PLD2: variants seen among roughly 807,000 people sequenced by gnomAD.
PLD2 encodes phospholipase D2.
Under a neutral mutation model 119.8 loss-of-function variants are expected in PLD2, and 101 were observed. The ratio of observed to expected loss-of-function variants is 0.84; its 90% CI spans 0.72 to 0.99. PLD2 has a LOEUF of 0.99. Among genes scored for constraint, PLD2 ranks in the 50% least tolerant of loss-of-function variants. The pLI is 0.00. For missense variants in PLD2, 1,164 were observed against 1,226.8 expected (o/e 0.95, Z 0.76); for synonymous variants, 494 against 482.8 (o/e 1.02, Z -0.30).
rs748875349 is a variant in PLD2 at position 4,810,936 on chromosome 17, G to A, written c.995G>A (p.Gly332Glu). 31 of 1,611,432 alleles carry A rather than the reference G, an allele frequency of 1.9e-5. 1 individual carries two copies. In the South Asian group the frequency reaches 3.3e-4, roughly 17 times the overall value. ...RHDSYAPPRP[G>E]TLARWFVNGA... ...GACAGCTACGCCCCACCCCGGCCTGGGACCTTGGCCCGGTGGTGAGACACT... is the reference window on the plus strand; with the variant it reads ...GACAGCTACGCCCCACCCCGGCCTGAGACCTTGGCCCGGTGGTGAGACACT... Residue 332 changes from glycine (G) to glutamate (E), a missense_variant, in exon 10 of 25, where the codon GGG becomes GAG. Gly to Glu is a moderately conservative substitution (Grantham distance 98). Transcript: ENST00000263088.
Position 4,821,817 on chromosome 17 carries a change from G to T in PLD2, c.2487G>T (p.Arg829=), listed in dbSNP as rs367788281. The change falls in exon 24 of 25, where the codon CGG becomes CGT. Residue 829 remains arginine (R), a synonymous_variant. Coordinates refer to ENST00000263088, the MANE Select transcript of PLD2 (RefSeq NM_002663.5). ...CFGVILGANT[R]PDLDLRDPIC... The stretch of plus-strand genomic sequence containing the variant: ...GTGTGATTCTTGGAGCAAATACCCG[G>T]CCAGACTTGGATCTCCGAGACCCCA... 6.2e-7 allele frequency: 1 copy of T among 1,613,722 alleles called. No homozygotes were observed. The highest frequency in any genetic ancestry group is 8.5e-7 in the Non-Finnish European group (1 of 1,179,806).
intron 17 of PLD2, 62 bp downstream of exon 17, chr17:4,817,321 A>G (rs1567532445): frequency 9.6e-7 from 1 of 1,046,754 alleles, no homozygotes; most frequent in Non-Finnish European, 1.5e-6. Context: ...ACCCCAACCC[A>G]CTCTCCCTGG....
rs745698306 is a variant in PLD2 at position 4,810,003 on chromosome 17, C to T, written c.834C>T (p.His278=). 15 of 1,613,386 alleles carry T rather than the reference C, an allele frequency of 9.3e-6. No individual in the cohort carries two copies. The highest frequency in any genetic ancestry group is 1.3e-5 in the African/African-American group (1 of 74,896). The change falls in exon 9 of 25, where the codon CAC becomes CAT. Residue 278 remains histidine (H), a synonymous_variant. Coordinates refer to ENST00000263088, the MANE Select transcript of PLD2 (RefSeq NM_002663.5). The part of the protein sequence containing the change: ...QVGKRSTEAR[H]GVRIDTSHRS... ...GGAAAAGGAGCACGGAGGCACGGCA[C>T]GGCGTGCGGATCGATACCTCCCACA...
intron 14 of PLD2, 76 bp downstream of exon 14, chr17:4,816,010 T>C (rs1906935854): frequency 9.0e-7 from 1 of 1,106,996 alleles, no homozygotes; most frequent in East Asian, 2.4e-5. Context: ...AGCTCCAGCC[T>C]TACCCCCTCA....
In PLD2 at chr17:4,815,949, G is replaced by C. The variant is rs1207266344; in HGVS notation, c.1455+15G>C. On this transcript the variant is annotated intron_variant, in intron 14 of 24. Transcript: ENST00000263088. ...CTGCCTCCCAGGTAATCCCCCTGAG[G>C]CCTTCCTGAGCACCCCCAAACTCAG... 1.3e-6 allele frequency: 2 copies of C among 1,563,400 alleles called. No individual in the cohort carries two copies. The highest frequency in any genetic ancestry group is 2.2e-5 in the South Asian group (2 of 90,078).
chr17:4,810,392 C>T (rs1906336844), intron 9 of PLD2, among the ~76,000 whole-genome samples: 1 of 152,136 alleles, frequency 6.6e-6, no homozygotes, highest in African/African-American at 2.4e-5. Flanking sequence ...CACCTACAAT[C>T]CCAGCACTTT....
intron 21 of PLD2, 78 bp downstream of exon 21, chr17:4,818,901 G>A: frequency 6.5e-7 from 1 of 1,528,520 alleles, no homozygotes; most frequent in Non-Finnish European, 9.0e-7. Flanking sequence ...CTGGGGGTGG[G>A]GGAAGGAGGC....
Position 4,819,107 on chromosome 17 carries a change from A to G in PLD2, c.2197A>G (p.Ile733Val), listed in dbSNP as rs1342918262. ...AAMGTAWRDY[I>V]SICGLRTHGE... ...AGTGGGGACAGCATGGCGGGACTAT[A>G]TTTCCATCTGCGGGCTTCGTACACA... is the stretch of plus-strand genomic sequence containing the variant. Residue 733 changes from isoleucine (I) to valine (V), a missense_variant, in exon 22 of 25, where the codon ATT becomes GTT. Ile to Val is a conservative substitution (Grantham distance 29). Transcript: ENST00000263088. The surrounding 1 kb of genome is among the most constrained non-coding windows in gnomAD (Gnocchi z 4.2). The G allele has an allele frequency of 6.2e-7, 1 of 1,614,056 alleles. No individual in the cohort carries two copies. Among genetic ancestry groups the G allele is most frequent in the South Asian group, 1.1e-5 (1 of 91,078 alleles).
chr17:4,808,254 T>G lies in PLD2; in HGVS notation c.241-20T>G. On this transcript the variant is annotated intron_variant, in intron 3 of 24. Transcript: ENST00000263088. This position sits in a 1 kb window ranked among gnomAD's most constrained non-coding sequence, Gnocchi z 4.1. ...GGGGACCCACGCAGGGGACATCCAT[T>G]CAGTTCCTCATACCCCTAGGTGGGA... The G allele has an allele frequency of 6.2e-7, 1 of 1,613,126 alleles. No individual in the cohort carries two copies. Among genetic ancestry groups the G allele is most frequent in the Non-Finnish European group, 8.5e-7 (1 of 1,179,380 alleles).
Position 4,819,667 on chromosome 17 carries a change from G to A in PLD2, c.2462+85G>A. 1 of 1,317,392 alleles carries A rather than the reference G, an allele frequency of 7.6e-7. No homozygotes were observed. The highest frequency in any genetic ancestry group is 2.3e-5 in the East Asian group (1 of 42,572). The allele number at this position is 1,317,392 out of a possible 1,614,324, so 81.6% of individuals were successfully genotyped here. A position where few individuals can be genotyped will look rare whatever the true frequency, so the allele number is the denominator to read the frequency against. The stretch of plus-strand genomic sequence containing the variant: ...CAGGACAAGAGGTAGCACCGCATAG[G>A]TACTCCCGGAGCCAGAGGTAGAGGC... On this transcript the variant is annotated intron_variant, in intron 23 of 24. Transcript: ENST00000263088. This position sits in a 1 kb window ranked among gnomAD's most constrained non-coding sequence, Gnocchi z 4.2.
In PLD2 at chr17:4,818,343, A is replaced by G. The variant is rs1182135202; in HGVS notation, c.1967A>G (p.Lys656Arg). ...TCAGATGGGCGGACGGTTCTGAACA[A>G]GGTGGGCGATGAGATTGTGGACAGA... ...SCSDGRTVLN[K>R]VGDEIVDRIL... Residue 656 changes from lysine (K) to arginine (R), a missense_variant, in exon 19 of 25, where the codon AAG becomes AGG. Coordinates refer to ENST00000263088, the MANE Select transcript of PLD2 (RefSeq NM_002663.5). 3 of 1,614,218 alleles carry G rather than the reference A, an allele frequency of 1.9e-6. No individual in the cohort carries two copies. Among genetic ancestry groups the G allele is most frequent in the Non-Finnish European group, 2.5e-6 (3 of 1,180,034 alleles).
At chr17:4,822,441 G>A (rs946572912) in intron 24 of PLD2, among the ~76,000 whole-genome samples, 199 bp from the exon 25 acceptor site, 1 of 151,182 alleles carries the variant, frequency 6.6e-6, no homozygotes, top group Non-Finnish European at 1.5e-5. Context: ...GTAGTGAGCC[G>A]AGATCGCACC....
Position 4,818,515 on chromosome 17 carries a change from C to T in PLD2, c.2031C>T (p.Val677=). 6.2e-7 allele frequency: 1 copy of T among 1,613,872 alleles called. No homozygotes were observed. Among genetic ancestry groups the T allele is most frequent in the Non-Finnish European group, 8.5e-7 (1 of 1,179,806 alleles). The change falls in exon 20 of 25, where the codon GTC becomes GTT. Residue 677 remains valine (V), a synonymous_variant. Coordinates refer to ENST00000263088, the MANE Select transcript of PLD2 (RefSeq NM_002663.5). ...CCAGACAGGGGTGGTGTTACCGAGT[C>T]TACGTGCTTTTGCCCTTACTCCCTG... is the stretch of plus-strand genomic sequence containing the variant. The part of the protein sequence containing the change: ...KAHKQGWCYR[V]YVLLPLLPGF...
Position 4,814,691 on chromosome 17 carries a change from A to G in PLD2, c.1153A>G (p.Ile385Val). The G allele has an allele frequency of 1.9e-6, 3 of 1,614,078 alleles. No homozygotes were observed. The highest frequency in any genetic ancestry group is 2.2e-5 in the South Asian group (2 of 91,078). The change falls in exon 12 of 25, where the codon ATT becomes GTT. Residue 385 changes from isoleucine to valine, a missense_variant. Coordinates refer to ENST00000263088, the MANE Select transcript of PLD2 (RefSeq NM_002663.5). ...CCATTCAGATGACTGGAGACTGGACATTATGCTCAAGAGGAAGGCGGTGAG... is the reference window on the plus strand; with the variant it reads ...CCATTCAGATGACTGGAGACTGGACGTTATGCTCAAGAGGAAGGCGGTGAG... ...PAHSDDWRLD[I>V]MLKRKAEEGV...
In PLD2 at chr17:4,807,662, G is replaced by T. The variant is rs3867173; in HGVS notation, c.-1-110G>T. 0.72 allele frequency: 470,661 copies of T among 655,578 alleles called. 169,809 individuals carry two copies. The highest frequency in any genetic ancestry group is 0.77 in the South Asian group (43,394 of 56,144). 40.6% of individuals were successfully genotyped at this position (655,578 alleles called of 1,614,324 possible). A position where few individuals can be genotyped will look rare whatever the true frequency, so the allele number is the denominator to read the frequency against. Reference sequence around the variant, plus strand: ...GGCGTCATCCGCGGGCGGTCAGGAGGCCGTGGGGGAAGAGGAGGATCTGGA... The same window carrying T: ...GGCGTCATCCGCGGGCGGTCAGGAGTCCGTGGGGGAAGAGGAGGATCTGGA... On this transcript the variant is annotated intron_variant, in intron 1 of 24. Transcript: ENST00000263088. This position sits in a 1 kb window ranked among gnomAD's most constrained non-coding sequence, Gnocchi z 5.4.
In PLD2 at chr17:4,820,465, G is replaced by A. The variant is rs573715786; in HGVS notation, c.2462+883G>A. 1.7e-3 allele frequency among the ~76,000 whole-genome samples: 248 copies of A among 144,950 alleles called. 1 individual carries two copies. The highest frequency in any genetic ancestry group is 4.1e-3 in the Middle Eastern group (1 of 244). On this transcript the variant is annotated intron_variant, in intron 23 of 24. Coordinates refer to ENST00000263088, the MANE Select transcript of PLD2 (RefSeq NM_002663.5). ...GTATTTTTAGTAGAGACAGGGTTTC[G>A]CTGTGTTGGCCAGGCTGATCTTGAA...
intron 14 of PLD2, among the ~76,000 whole-genome samples, chr17:4,816,227 C>CA (rs1333194312): frequency 1.3e-5 from 2 of 151,928 alleles, no homozygotes; most frequent in Non-Finnish European, 2.9e-5. Flanking sequence ...ACTAAAAATG[C>CA]AAAAAATTAG....
In PLD2 at chr17:4,819,254, G is replaced by T. The variant is rs866975401; in HGVS notation, c.2308+36G>T. 3.3e-5 allele frequency: 53 copies of T among 1,612,058 alleles called. 1 individual carries two copies. The Middle Eastern group carries it at 6.4e-3, about 195-fold the overall frequency. On this transcript the variant is annotated intron_variant, in intron 22 of 24. Coordinates refer to ENST00000263088, the MANE Select transcript of PLD2 (RefSeq NM_002663.5). The surrounding 1 kb of genome is among the most constrained non-coding windows in gnomAD (Gnocchi z 4.2). ...GATCTAGTCCTCTGGCAGGGAGAGG[G>T]TGTGGGGACAGGCGAAGAGATGAGA...
At chr17:4,815,372 A>C in intron 12 of PLD2, 104 bp from the exon 13 acceptor site, 2 of 748,914 alleles carry the variant, frequency 2.7e-6, no homozygotes, top group South Asian at 3.0e-5. Context: ...AGCCTCTAGG[A>C]TCTCCAGACA....
Sources: gnomAD v4.1 joint callset for allele counts (sites outside exome capture counted in the v4.1 genomes callset) on GRCh38, gnomAD v4.1.1 for gene constraint, Gnocchi (gnomAD v3.1) non-coding constraint, MANE v1.5 for transcripts, NCBI Gene and HGNC (gene_info 2026-07-23, HGNC 2026-07-21) for gene names.